EEFSEC: variants seen among roughly 807,000 people sequenced by gnomAD.
EEFSEC encodes eukaryotic elongation factor, selenocysteine-tRNA specific, also known as selenocysteine-specific elongation factor.
EEFSEC carries 43 observed loss-of-function variants against 42.1 expected under a neutral mutation model. The ratio of observed to expected loss-of-function variants is 1.02; its 90% CI spans 0.80 to 1.32. The LOEUF is 1.32. Ranked by LOEUF, EEFSEC falls within the 40% of genes most tolerant of loss-of-function variation. The pLI, the probability that EEFSEC is intolerant of heterozygous loss-of-function variation, is 0.00. For missense variants in EEFSEC, 745 were observed against 803.6 expected (o/e 0.93, Z 0.88); for synonymous variants, 354 against 339.1 (o/e 1.04, Z -0.48).
intron 1 of EEFSEC, among the ~76,000 whole-genome samples, chr3:128,157,293 C>T (rs1387788342): frequency 6.6e-6 from 1 of 152,154 alleles, no homozygotes; most frequent in Non-Finnish European, 1.5e-5. Context: ...AGGCCATCTC[C>T]AGAACATAAA....
At chr3:128,318,932 A>G (rs928724640) in intron 4 of EEFSEC, among the ~76,000 whole-genome samples, 4 of 152,208 alleles carry the variant, frequency 2.6e-5, no homozygotes, top group South Asian at 2.1e-4. Context: ...CCATTGTACC[A>G]TGAAGACTCA....
chr3:128,283,201 G>A (rs937629263), intron 4 of EEFSEC, among the ~76,000 whole-genome samples: 3 of 152,198 alleles, frequency 2.0e-5, no homozygotes, highest in East Asian at 1.9e-4. Context: ...GTTAAGGCTC[G>A]TCCTCTTTCC....
intron 4 of EEFSEC, among the ~76,000 whole-genome samples, chr3:128,311,445 A>C (rs1181340666): frequency 6.6e-6 from 1 of 152,170 alleles, no homozygotes; most frequent in East Asian, 1.9e-4. Context: ...TTGTGTTCTG[A>C]GTGCCAGCTA....
chr3:128,402,017 T>C (rs2068053898), intron 6 of EEFSEC, among the ~76,000 whole-genome samples: 1 of 152,130 alleles, frequency 6.6e-6, no homozygotes, highest in Non-Finnish European at 1.5e-5. Flanking sequence ...CTGTGTGCCA[T>C]GGATTGAGCA....
chr3:128,358,967 T>C (rs1412098166), intron 6 of EEFSEC, among the ~76,000 whole-genome samples: 1 of 152,218 alleles, frequency 6.6e-6, no homozygotes, highest in East Asian at 1.9e-4. Flanking sequence ...TGCATCATGT[T>C]CTTCTGTGTT....
At chr3:128,200,477 G>A (rs2065632791) in intron 1 of EEFSEC, among the ~76,000 whole-genome samples, 1 of 151,978 alleles carries the variant, frequency 6.6e-6, no homozygotes, top group Admixed American at 6.6e-5. Flanking sequence ...TAGTAGAGAT[G>A]GGGTTTCTCC....
At chr3:128,296,268 C>A (rs2066705358) in intron 4 of EEFSEC, among the ~76,000 whole-genome samples, 1 of 152,152 alleles carries the variant, frequency 6.6e-6, no homozygotes, top group Non-Finnish European at 1.5e-5. Context: ...CAGGATGGGG[C>A]TTCCTGTCCC....
intron 4 of EEFSEC, among the ~76,000 whole-genome samples, chr3:128,333,618 G>A (rs113506080): frequency 2.0e-4 from 30 of 152,292 alleles, no homozygotes; most frequent in African/African-American, 6.3e-4. Flanking sequence ...CCCCATCATA[G>A]GTATCCAACT....
At chr3:128,376,735 T>C (rs1402069152) in intron 6 of EEFSEC, among the ~76,000 whole-genome samples, 1 of 152,132 alleles carries the variant, frequency 6.6e-6, no homozygotes, top group Non-Finnish European at 1.5e-5. Flanking sequence ...GGCCAAGCAG[T>C]GAGCATATCA....
the EEFSEC span, among the ~76,000 whole-genome samples, chr3:128,420,090 A>G: frequency 2.0e-5 from 3 of 152,180 alleles, no homozygotes; most frequent in Non-Finnish European, 4.4e-5. Flanking sequence ...AGGGACAGAC[A>G]CAAAGAGAGA....
chr3:128,280,418 C>T (rs1432500770), intron 4 of EEFSEC, among the ~76,000 whole-genome samples: 2 of 152,274 alleles, frequency 1.3e-5, no homozygotes, highest in African/African-American at 2.4e-5. Flanking sequence ...TTCTCTCTCA[C>T]CTCCCTTGTG....
intron 6 of EEFSEC, among the ~76,000 whole-genome samples, chr3:128,405,142 G>A (rs374120009): frequency 1.3e-5 from 2 of 151,760 alleles, no homozygotes; most frequent in African/African-American, 4.8e-5. Context: ...TCAGCCTCTC[G>A]AGTAGCTGGG....
rs71615969 is a variant in EEFSEC at position 128,176,981 on chromosome 3, G to GATTATTATTATTATT, written c.316+23174_316+23188dup. On this transcript the variant is annotated intron_variant, in intron 1 of 6. Transcript: ENST00000254730. ...TTCTGTAGTTTAAATGAACATACTGGATTATTATTATTATTATTATTATTA... is the reference window on the plus strand; with the variant it reads ...TTCTGTAGTTTAAATGAACATACTGGATTATTATTATTATTATTATTATTATTATTATTATTATTA... Among the ~76,000 whole-genome samples the GATTATTATTATTATT allele has an allele frequency of 7.3e-3, 1,072 of 146,588 alleles. 12 individuals carry two copies. The highest frequency in any genetic ancestry group is 0.026 in the African/African-American group (1,017 of 39,548).
At chr3:128,193,186 C>T (rs904953201) in intron 1 of EEFSEC, among the ~76,000 whole-genome samples, 3 of 152,234 alleles carry the variant, frequency 2.0e-5, no homozygotes, top group Admixed American at 1.3e-4. Context: ...TTATGTATCA[C>T]TGAAGTTCCC....
chr3:128,375,336 G>A (rs2067697087), intron 6 of EEFSEC, among the ~76,000 whole-genome samples: 1 of 152,186 alleles, frequency 6.6e-6, no homozygotes, highest in Non-Finnish European at 1.5e-5. Context: ...CTGTCTGTCT[G>A]GTGAGCACTT....
chr3:128,252,763 G>A (rs1486572700), intron 2 of EEFSEC, among the ~76,000 whole-genome samples: 1 of 151,918 alleles, frequency 6.6e-6, no homozygotes, highest in Non-Finnish European at 1.5e-5. Context: ...GTGTGCTAAC[G>A]AACGTCAGCT....
intron 4 of EEFSEC, among the ~76,000 whole-genome samples, chr3:128,327,529 C>A (rs1474667368): frequency 6.6e-6 from 1 of 152,208 alleles, no homozygotes; most frequent in Non-Finnish European, 1.5e-5. Flanking sequence ...CAGCACATGG[C>A]CTGCCATGGA....
the EEFSEC span, among the ~76,000 whole-genome samples, chr3:128,418,390 G>A: frequency 2.6e-5 from 4 of 151,862 alleles, no homozygotes; most frequent in Admixed American, 2.0e-4. Context: ...ACAGCAGGCG[G>A]CTCTGCCCGA....
At chr3:128,246,234 A>G (rs898913889) in intron 1 of EEFSEC, among the ~76,000 whole-genome samples, 9 of 147,810 alleles carry the variant, frequency 6.1e-5, no homozygotes, top group East Asian at 2.1e-4. Context: ...GTGCACGCAC[A>G]CACACACACA....
Sources: gnomAD v4.1 joint callset for allele counts (sites outside exome capture counted in the v4.1 genomes callset) on GRCh38, gnomAD v4.1.1 for gene constraint, MANE v1.5 for transcripts, NCBI Gene and HGNC (gene_info 2026-07-23, HGNC 2026-07-21) for gene names.